The following RAB15 variants were observed in gnomAD, a reference collection of about 807,000 sequenced individuals.
RAB15 encodes the protein ras-related protein Rab-15.
RAB15 carries 13 observed loss-of-function variants against 31.8 expected under a neutral mutation model. That is an observed-to-expected ratio of 0.41 (90% confidence interval 0.27 to 0.65). The LOEUF is 0.65. RAB15 is among the 30% of genes least tolerant of loss of function. The pLI, the probability that RAB15 is intolerant of heterozygous loss-of-function variation, is 0.32. For synonymous variants in RAB15, 100 were observed against 105.6 expected (o/e 0.95, Z 0.33); for missense variants, 220 against 277.3 (o/e 0.79, Z 1.47).
Position 64,951,087 on chromosome 14 carries a change from C to G in RAB15, c.311G>C (p.Ser104Thr). Residue 104 changes from serine to threonine, a missense_variant, in exon 4 of 7, where the codon AGT becomes ACT. Transcript: ENST00000533601. The surrounding 1 kb of genome is among the most constrained non-coding windows in gnomAD (Gnocchi z 7.2). ...RSYQHIMKWV[S>T]DVDEYAPEGV... is the part of the protein sequence containing the mutation. ...GGCATCTCCTACCTCATCCACGTCACTGACCCACTTCATGATGTGCTGGTA... is the reference window on the plus strand; with the variant it reads ...GGCATCTCCTACCTCATCCACGTCAGTGACCCACTTCATGATGTGCTGGTA... 1.2e-6 allele frequency: 2 copies of G among 1,613,180 alleles called. No homozygotes were observed. The highest frequency in any genetic ancestry group is 1.7e-6 in the Non-Finnish European group (2 of 1,180,014).
Position 64,950,446 on chromosome 14 carries a change from G to A in RAB15, c.325-32C>T. 1 of 1,541,214 alleles carries A rather than the reference G, an allele frequency of 6.5e-7. No individual in the cohort carries two copies. The highest frequency in any genetic ancestry group is 9.0e-7 in the Non-Finnish European group (1 of 1,114,504). The stretch of plus-strand genomic sequence containing the variant: ...ACAAAGGATGGGCAGAACAGCCAGT[G>A]AGTGCTGCCTGCCCCCCCAATTTTC... On this transcript the variant is annotated intron_variant, in intron 4 of 6. Transcript: ENST00000533601. This position sits in a 1 kb window ranked among gnomAD's most constrained non-coding sequence, Gnocchi z 5.6.
chr14:64,969,955 G>T (rs1887339583), intron 1 of RAB15, among the ~76,000 whole-genome samples: 1 of 152,150 alleles, frequency 6.6e-6, no homozygotes. Flanking sequence ...TTAGAAAGAG[G>T]GGTGCCCTCA....
At chr14:64,956,093 C>T in intron 1 of RAB15, among the ~76,000 whole-genome samples, 1 of 152,238 alleles carries the variant, frequency 6.6e-6, no homozygotes, top group East Asian at 1.9e-4. Flanking sequence ...ATCAGCATCA[C>T]CTGGGACTTG....
chr14:64,954,586 G>A lies in RAB15; in HGVS notation c.125-2015C>T, dbSNP rs1051510915. On this transcript the variant is annotated intron_variant, in intron 1 of 6. Coordinates refer to ENST00000533601, the MANE Select transcript of RAB15 (RefSeq NM_001308154.2). This position sits in a 1 kb window ranked among gnomAD's most constrained non-coding sequence, Gnocchi z 4.3. ...GAACTTCCTATGTGCCCTGCACAGTGCTCAGTGCAGACAGAGCAGTGAAAA... is the reference window on the plus strand; with the variant it reads ...GAACTTCCTATGTGCCCTGCACAGTACTCAGTGCAGACAGAGCAGTGAAAA... 3 of 928,866 alleles carry A rather than the reference G, an allele frequency of 3.2e-6. No homozygotes were observed. The highest frequency in any genetic ancestry group is 1.8e-5 in the African/African-American group (1 of 55,998). 57.5% of individuals were successfully genotyped at this position (928,866 alleles called of 1,614,324 possible). A position where few individuals can be genotyped will look rare whatever the true frequency, so the allele number is the denominator to read the frequency against.
At position 64,968,060 on chromosome 14, in the gene RAB15, G is replaced by A. The variant is rs1301394716; in HGVS notation, c.124+3893C>T. 1.3e-5 allele frequency among the ~76,000 whole-genome samples: 2 copies of A among 152,070 alleles called. No homozygotes were observed. Among genetic ancestry groups the A allele is most frequent in the African/African-American group, 4.8e-5 (2 of 41,392 alleles). ...GGCTCTCAATGCCCTCTGCCAACTG[G>A]TCCCTGCATTCATTCATTAATTTAA... On this transcript the variant is annotated intron_variant, in intron 1 of 6. Coordinates refer to ENST00000533601, the MANE Select transcript of RAB15 (RefSeq NM_001308154.2). The surrounding 1 kb of genome is among the most constrained non-coding windows in gnomAD (Gnocchi z 4.9).
rs1452122532 is a variant in RAB15, at chr14:64,953,000, T to C, written c.125-429A>G. Reference sequence around the variant, plus strand: ...CATTATTTGCCTGCTTTCTTCCCTCTCTCTCTTTGCCTTGTTAATAACCAG... The same window carrying C: ...CATTATTTGCCTGCTTTCTTCCCTCCCTCTCTTTGCCTTGTTAATAACCAG... On this transcript the variant is annotated intron_variant, in intron 1 of 6. Coordinates refer to ENST00000533601, the MANE Select transcript of RAB15 (RefSeq NM_001308154.2). The surrounding 1 kb of genome is among the most constrained non-coding windows in gnomAD (Gnocchi z 4.2). Among the ~76,000 whole-genome samples, 1 of 152,220 alleles carries C rather than the reference T, an allele frequency of 6.6e-6. No homozygotes were observed. The highest frequency in any genetic ancestry group is 2.4e-5 in the African/African-American group (1 of 41,454).
In RAB15 at chr14:64,949,818, C is replaced by G. The variant is rs1297835042; in HGVS notation, c.414+507G>C. 3.3e-5 allele frequency among the ~76,000 whole-genome samples: 5 copies of G among 152,056 alleles called. 1 individual carries two copies. Among genetic ancestry groups the G allele is most frequent in the Admixed American group, 3.3e-4 (5 of 15,274 alleles). On this transcript the variant is annotated intron_variant, in intron 5 of 6. Coordinates refer to ENST00000533601, the MANE Select transcript of RAB15 (RefSeq NM_001308154.2). ...GTCTCCCTGCATGCTTGGACATTCCCTCAGCGTCATCCTCCTACCCTTTCT... is the reference window on the plus strand; with the variant it reads ...GTCTCCCTGCATGCTTGGACATTCCGTCAGCGTCATCCTCCTACCCTTTCT...
At chr14:64,961,002 G>A (rs1411955667) in intron 1 of RAB15, among the ~76,000 whole-genome samples, 3 of 152,278 alleles carry the variant, frequency 2.0e-5, no homozygotes. Flanking sequence ...GCCAAGCTCC[G>A]CATGCTTCAG....
chr14:64,950,445 T>C lies in RAB15; in HGVS notation c.325-31A>G, dbSNP rs1886186390. 2 of 1,551,648 alleles carry C rather than the reference T, an allele frequency of 1.3e-6. No individual in the cohort carries two copies. The highest frequency in any genetic ancestry group is 1.8e-6 in the Non-Finnish European group (2 of 1,123,964). ...GACAAAGGATGGGCAGAACAGCCAG[T>C]GAGTGCTGCCTGCCCCCCCAATTTT... On this transcript the variant is annotated intron_variant, in intron 4 of 6. Transcript: ENST00000533601. This position sits in a 1 kb window ranked among gnomAD's most constrained non-coding sequence, Gnocchi z 5.6.
At chr14:64,949,524 C>T (rs559899491) in intron 5 of RAB15, among the ~76,000 whole-genome samples, 7 of 152,124 alleles carry the variant, frequency 4.6e-5, no homozygotes, top group Admixed American at 3.3e-4. Context: ...AGTTCGAGAC[C>T]GGCCTGGCCA....
rs765238215 is a variant in RAB15, at chr14:64,954,294, G to A, written c.125-1723C>T. On this transcript the variant is annotated intron_variant, in intron 1 of 6. Transcript: ENST00000533601. The surrounding 1 kb of genome is among the most constrained non-coding windows in gnomAD (Gnocchi z 4.3). The stretch of plus-strand genomic sequence containing the variant: ...AAGCATCAGGCCTTGGGAAGCAGGA[G>A]TATGCTTATTTCTGCCTGGATCAAC... 20 of 985,334 alleles carry A rather than the reference G, an allele frequency of 2.0e-5. No individual in the cohort carries two copies. Among genetic ancestry groups the A allele is most frequent in the Non-Finnish European group, 2.4e-6 (2 of 829,934 alleles). The allele number at this position is 985,334 out of a possible 1,614,324, so 61.0% of individuals were successfully genotyped here.
intron 1 of RAB15, among the ~76,000 whole-genome samples, chr14:64,965,240 CT>C (rs1444308238): frequency 4.6e-5 from 7 of 151,968 alleles, no homozygotes; most frequent in Non-Finnish European, 7.4e-5. Flanking sequence ...GGTGGATCAG[CT>C]GAGGTCAGAA....
chr14:64,966,929 A>C (rs1887169950), intron 1 of RAB15, among the ~76,000 whole-genome samples: 1 of 152,040 alleles, frequency 6.6e-6, no homozygotes, highest in Non-Finnish European at 1.5e-5. Flanking sequence ...AGCTCCTCTC[A>C]GTCTAGAAAC....
rs1886338146 is a variant in RAB15, at chr14:64,952,875, G to A, written c.125-304C>T. Among the ~76,000 whole-genome samples the A allele has an allele frequency of 6.6e-6, 1 of 152,224 alleles. No homozygotes were observed. Among genetic ancestry groups the A allele is most frequent in the Non-Finnish European group, 1.5e-5 (1 of 68,036 alleles). ...GCCTTACTCGACAGACTTAAAACATGTCTCGTTCTAGTCATGTGTGAAGTC... is the reference window on the plus strand; with the variant it reads ...GCCTTACTCGACAGACTTAAAACATATCTCGTTCTAGTCATGTGTGAAGTC... On this transcript the variant is annotated intron_variant, in intron 1 of 6. Transcript: ENST00000533601. The surrounding 1 kb of genome is among the most constrained non-coding windows in gnomAD (Gnocchi z 4.2).
Position 64,971,159 on chromosome 14 carries a change from C to A in RAB15, c.124+794G>T, listed in dbSNP as rs540262550. 6.6e-6 allele frequency among the ~76,000 whole-genome samples: 1 copy of A among 152,302 alleles called. No individual in the cohort carries two copies. The highest frequency in any genetic ancestry group is 2.1e-4 in the South Asian group (1 of 4,830). On this transcript the variant is annotated intron_variant, in intron 1 of 6. Transcript: ENST00000533601. The surrounding 1 kb of genome is among the most constrained non-coding windows in gnomAD (Gnocchi z 4.1). ...GAGACTGACTGTCTCAGAGGGGAGG[C>A]CATGGACCCATTCCTAGAATAAGTG...
chr14:64,971,617 G>C lies in RAB15; in HGVS notation c.124+336C>G, dbSNP rs1887422681. Among the ~76,000 whole-genome samples, 1 of 152,002 alleles carries C rather than the reference G, an allele frequency of 6.6e-6. No homozygotes were observed. The highest frequency in any genetic ancestry group is 6.5e-5 in the Admixed American group (1 of 15,282). The stretch of plus-strand genomic sequence containing the variant: ...TTACTTCCCCTCCCCCTGGGGGTGT[G>C]GGGATGTTATTCCAGCGGCTACGAT... On this transcript the variant is annotated intron_variant, in intron 1 of 6. Coordinates refer to ENST00000533601, the MANE Select transcript of RAB15 (RefSeq NM_001308154.2). The surrounding 1 kb of genome is among the most constrained non-coding windows in gnomAD (Gnocchi z 4.1).
rs1886518635 is a variant in RAB15 at position 64,955,789 on chromosome 14, AC to A, written c.125-3219del. Among the ~76,000 whole-genome samples, 1 of 152,226 alleles carries A rather than the reference AC, an allele frequency of 6.6e-6. No individual in the cohort carries two copies. The highest frequency in any genetic ancestry group is 1.9e-4 in the East Asian group (1 of 5,194). ...GGTCATCAGCCCCACCTGGGTGCAC[AC>A]CCAGAGAGTCAGCCCTTTTTGTTGC... On this transcript the variant is annotated intron_variant, in intron 1 of 6. Transcript: ENST00000533601. This position sits in a 1 kb window ranked among gnomAD's most constrained non-coding sequence, Gnocchi z 4.4.
At chr14:64,969,143 G>A (rs2140005272) in intron 1 of RAB15, among the ~76,000 whole-genome samples, 1 of 152,344 alleles carries the variant, frequency 6.6e-6, no homozygotes, top group African/African-American at 2.4e-5. Context: ...GCATGGTCAT[G>A]TAATGTGTTT....
At chr14:64,963,320 A>C (rs573676010) in intron 1 of RAB15, among the ~76,000 whole-genome samples, 37 of 152,014 alleles carry the variant, frequency 2.4e-4, no homozygotes, top group Non-Finnish European at 4.4e-4. Flanking sequence ...GGGTTTCACC[A>C]TGTTGACCAG....
Sources: gnomAD v4.1 joint callset for allele counts (sites outside exome capture counted in the v4.1 genomes callset) on GRCh38, gnomAD v4.1.1 for gene constraint, Gnocchi (gnomAD v3.1) non-coding constraint, MANE v1.5 for transcripts, NCBI Gene and HGNC (gene_info 2026-07-23, HGNC 2026-07-21) for gene names.